The following EBF4 variants were observed in gnomAD, a reference collection of about 807,000 sequenced individuals.
EBF4 encodes transcription factor COE4.
A neutral mutation model predicts 67.1 loss-of-function variants in EBF4; 34 were observed. The ratio of observed to expected loss-of-function variants is 0.51; its 90% CI spans 0.39 to 0.67. The LOEUF (loss-of-function observed/expected upper bound fraction) is 0.67, where lower values mean the gene tolerates loss of function less well. Ranked by LOEUF, EBF4 falls within the 30% of genes least tolerant of loss-of-function variation. The probability of loss-of-function intolerance (pLI) is 0.00; values close to 1 mark genes in which losing one functional copy is unlikely to be tolerated. For missense variants in EBF4, 837 were observed against 873.3 expected, an observed-to-expected ratio of 0.96 and a Z score of 0.52; for synonymous variants, 387 against 377.7, an observed-to-expected ratio of 1.02 and a Z score of -0.29.
exon 14 of EBF4, chr20:2,752,389 C>T (rs1023128578): frequency 1.8e-5 from 22 of 1,254,872 alleles, no homozygotes; most frequent in African/African-American, 1.3e-4. Flanking sequence ...CGCGTCCCCC[C>T]GCGGGTTCGC....
At chr20:2,701,192 C>G (rs982433694) in intron 1 of EBF4, among the ~76,000 whole-genome samples, 7 of 152,278 alleles carry the variant, frequency 4.6e-5, no homozygotes, top group Middle Eastern at 3.4e-3. Context: ...GTGCCTCAGA[C>G]CCACTGAGCC....
intron 6 of EBF4, among the ~76,000 whole-genome samples, chr20:2,712,185 A>C (rs1793739690): frequency 6.6e-6 from 1 of 152,238 alleles, no homozygotes; most frequent in Non-Finnish European, 1.5e-5. Context: ...GTTGAGAATG[A>C]TAAGACCTGC....
intron 1 of EBF4, among the ~76,000 whole-genome samples, chr20:2,700,837 A>T (rs1223818074): frequency 1.3e-5 from 2 of 152,136 alleles, no homozygotes; most frequent in Non-Finnish European, 2.9e-5. Flanking sequence ...AATCAGGAGA[A>T]GGAGGCACCG....
At chr20:2,753,952 C>T (rs935743245) in intron 14 of EBF4, among the ~76,000 whole-genome samples, 1 of 15,248 alleles carries the variant, frequency 6.6e-5, no homozygotes, top group Non-Finnish European at 1.4e-4. Context: ...CACAGCCTCT[C>T]TGTGGGCACC....
intron 6 of EBF4, among the ~76,000 whole-genome samples, chr20:2,740,221 G>A (rs182215014): frequency 1.2e-3 from 185 of 152,278 alleles, no homozygotes; most frequent in African/African-American, 4.1e-3. Flanking sequence ...GCTGAGGCGG[G>A]AGAATCGCTT....
At chr20:2,727,015 T>A (rs2087755035) in intron 6 of EBF4, among the ~76,000 whole-genome samples, 1 of 152,186 alleles carries the variant, frequency 6.6e-6, no homozygotes, top group Non-Finnish European at 1.5e-5. Context: ...CTCACATAAG[T>A]GGACTCACAT....
At chr20:2,748,672 TC>T in intron 7 of EBF4, 42 bp downstream of exon 7, 1 of 1,530,550 alleles carries the variant, frequency 6.5e-7, no homozygotes, top group Non-Finnish European at 8.9e-7. Context: ...CCCCACCCTT[TC>T]CTGATGGAGG....
chr20:2,741,940 CA>C (rs2146476651), intron 6 of EBF4, among the ~76,000 whole-genome samples: 1 of 152,306 alleles, frequency 6.6e-6, no homozygotes, highest in East Asian at 1.9e-4. Context: ...GCAGTCACAA[CA>C]GCCAAAAGCC....
At chr20:2,717,842 G>A (rs145773683) in intron 6 of EBF4, among the ~76,000 whole-genome samples, 12 of 149,058 alleles carry the variant, frequency 8.1e-5, no homozygotes, top group Admixed American at 3.4e-4. Context: ...ACAGAGTCTC[G>A]CTCTGTCGCT....
chr20:2,750,075 C>A (rs1162476570), intron 10 of EBF4, 102 bp downstream of exon 10: 7 of 1,441,996 alleles, frequency 4.9e-6, no homozygotes, highest in Non-Finnish European at 6.4e-6. Context: ...CCGAGCTCTA[C>A]GCTGTGGCCA....
At chr20:2,736,777 A>G (rs2087883382) in intron 6 of EBF4, among the ~76,000 whole-genome samples, 1 of 152,108 alleles carries the variant, frequency 6.6e-6, no homozygotes, top group Admixed American at 6.6e-5. Flanking sequence ...TTCAAGAGAG[A>G]TTCGCTCATG....
intron 6 of EBF4, among the ~76,000 whole-genome samples, chr20:2,719,019 T>C (rs2087645282): frequency 6.6e-6 from 1 of 152,226 alleles, no homozygotes; most frequent in Admixed American, 6.5e-5. Flanking sequence ...TGAGGTCTTT[T>C]TTGACCCACA....
In EBF4 at chr20:2,693,816, T is replaced by G; in HGVS notation, c.137+34T>G. The G allele has an allele frequency of 7.9e-7, 1 of 1,263,508 alleles. No homozygotes were observed. Among genetic ancestry groups the G allele is most frequent in the Non-Finnish European group, 1.0e-6 (1 of 1,003,618 alleles). The allele number at this position is 1,263,508 out of a possible 1,614,324, so 78.3% of individuals were successfully genotyped here. On this transcript the variant is annotated intron_variant, in intron 1 of 16. Coordinates refer to ENST00000609451, the Ensembl canonical transcript of EBF4. The surrounding 1 kb of genome is among the most constrained non-coding windows in gnomAD (Gnocchi z 4.6). Reference sequence around the variant, plus strand: ...TCGGACCGGACCCGGTGCGCTCGGGTTGGACGGCTGCGCGCCGCCTCAGCT... The same window carrying G: ...TCGGACCGGACCCGGTGCGCTCGGGGTGGACGGCTGCGCGCCGCCTCAGCT...
intron 6 of EBF4, among the ~76,000 whole-genome samples, chr20:2,727,476 G>GT: frequency 6.6e-6 from 1 of 152,256 alleles, no homozygotes; most frequent in South Asian, 2.1e-4. Context: ...TGATAAGCAG[G>GT]TTTTGCATCC....
intron 5 of EBF4, 133 bp from the exon 6 acceptor site, chr20:2,709,441 C>T (rs2087508297): frequency 1.3e-6 from 1 of 777,790 alleles, no homozygotes; most frequent in African/African-American, 1.8e-5. Context: ...TGAGCCCCTC[C>T]AGCCCAGGGA....
At chr20:2,757,266 C>T (rs1303384458) in intron 15 of EBF4, among the ~76,000 whole-genome samples, 3 of 152,320 alleles carry the variant, frequency 2.0e-5, no homozygotes, top group Non-Finnish European at 4.4e-5. Flanking sequence ...GATACATGTC[C>T]GCAGCGTCCC....
intron 1 of EBF4, among the ~76,000 whole-genome samples, chr20:2,697,326 ACGAGGTCAGGAGAT>A (rs2087305833): frequency 6.6e-6 from 1 of 152,054 alleles, no homozygotes; most frequent in South Asian, 2.1e-4. Flanking sequence ...CAGGCAGATC[ACGAGGTCAGGAGAT>A]CGAGACCATC....
chr20:2,743,641 G>A (rs1486188644), intron 6 of EBF4, among the ~76,000 whole-genome samples: 1 of 152,058 alleles, frequency 6.6e-6, no homozygotes, highest in African/African-American at 2.4e-5. Context: ...GAGAGGCAAG[G>A]GATTGTGTGG....
upstream of EBF4, chr20:2,693,552 G>A: frequency 7.8e-7 from 1 of 1,279,198 alleles, no homozygotes; most frequent in Admixed American, 4.2e-5. This position sits in a 1 kb window ranked among gnomAD's most constrained non-coding sequence, Gnocchi z 4.6. Flanking sequence ...TGCTGGAGGC[G>A]CCTGGTGCCG....
Sources: gnomAD v4.1 joint callset for allele counts (sites outside exome capture counted in the v4.1 genomes callset) on GRCh38, gnomAD v4.1.1 for gene constraint, Gnocchi (gnomAD v3.1) non-coding constraint, MANE v1.5 for transcripts, NCBI Gene and HGNC (gene_info 2026-07-23, HGNC 2026-07-21) for gene names.